Variants in MYCBP2 observed in about 807,000 individuals in gnomAD.
The protein encoded by MYCBP2 is E3 ubiquitin-protein ligase MYCBP2.
MYCBP2 carries 120 observed loss-of-function variants against 525.3 expected under a neutral mutation model. The observed-to-expected ratio is 0.23, with a 90% CI of 0.20 to 0.27. The LOEUF (loss-of-function observed/expected upper bound fraction) is 0.27. MYCBP2 is among the 10% of genes least tolerant of loss of function. MYCBP2 has a pLI of 1.00. For missense variants in MYCBP2, 4,149 were observed against 5,657.1 expected (o/e 0.73, Z 8.55); for synonymous variants, 1,894 against 1,955.8 (o/e 0.97, Z 0.83).
chr13:77,315,446 C>T (rs1041429311), intron 1 of MYCBP2, among the ~76,000 whole-genome samples: 2 of 152,092 alleles, frequency 1.3e-5, no homozygotes, highest in South Asian at 2.1e-4. Context: ...CAATACATTC[C>T]AAATATGATG....
chr13:77,311,819 T>C (rs1314575295), intron 1 of MYCBP2, among the ~76,000 whole-genome samples: 9 of 152,046 alleles, frequency 5.9e-5, no homozygotes. Context: ...TAGAATTTTG[T>C]AAGGTCAGAA....
chr13:77,153,957 TA>T (rs1359015675), intron 46 of MYCBP2, among the ~76,000 whole-genome samples: 2 of 152,134 alleles, frequency 1.3e-5, no homozygotes, highest in Admixed American at 1.3e-4. Context: ...ATTTTATAAG[TA>T]AAAAATTATA....
intron 80 of MYCBP2, among the ~76,000 whole-genome samples, chr13:77,055,000 A>C (rs1261960183): frequency 6.6e-6 from 1 of 152,218 alleles, no homozygotes; most frequent in South Asian, 2.1e-4. Flanking sequence ...AAATCTCAAA[A>C]ATTTTGGGGG....
chr13:77,071,867 G>A (rs74641692), intron 68 of MYCBP2, among the ~76,000 whole-genome samples: 5,055 of 152,152 alleles, frequency 0.033, 217 homozygotes, highest in East Asian at 0.17. Context: ...GAAATTATAC[G>A]AAGTATACAA....
rs536786187 is a variant in MYCBP2, at chr13:77,191,646, T to C, written c.4070+33A>G. On this transcript the variant is annotated intron_variant, in intron 28 of 82. Transcript: ENST00000544440. ...ACAATATTCCTCTAACAAAAATAAG[T>C]ATTGCTTAAGTAACACTTGGGCATT... is the stretch of plus-strand genomic sequence containing the variant. The C allele has an allele frequency of 2.3e-4, 369 of 1,601,198 alleles. 1 individual carries two copies. The highest frequency in any genetic ancestry group is 3.0e-4 in the Non-Finnish European group (352 of 1,173,672).
intron 44 of MYCBP2, among the ~76,000 whole-genome samples, chr13:77,160,160 G>A (rs1028022848): frequency 2.7e-5 from 4 of 150,184 alleles, no homozygotes; most frequent in African/African-American, 7.4e-5. Flanking sequence ...TCCGACTCCC[G>A]GGTTCAAGCG....
intron 5 of MYCBP2, among the ~76,000 whole-genome samples, chr13:77,270,881 T>C (rs2074783664): frequency 6.6e-6 from 1 of 152,158 alleles, no homozygotes; most frequent in African/African-American, 2.4e-5. Flanking sequence ...TATTTTATCT[T>C]CCATATTTCT....
intron 32 of MYCBP2, among the ~76,000 whole-genome samples, chr13:77,184,016 A>ATTTC (rs1372069711): frequency 6.6e-6 from 1 of 150,954 alleles, no homozygotes; most frequent in Non-Finnish European, 1.5e-5. Flanking sequence ...TATCTTTATT[A>ATTTC]TTTCCTTCCT....
intron 43 of MYCBP2, among the ~76,000 whole-genome samples, chr13:77,164,118 T>C (rs769124057): frequency 6.6e-6 from 1 of 152,220 alleles, no homozygotes; most frequent in Non-Finnish European, 1.5e-5. Flanking sequence ...GTTGTCTACT[T>C]GATATTTCCA....
At chr13:77,175,402 G>C (rs1428850303) in intron 36 of MYCBP2, among the ~76,000 whole-genome samples, 1 of 151,918 alleles carries the variant, frequency 6.6e-6, no homozygotes, top group African/African-American at 2.4e-5. Flanking sequence ...TAGGAAAAAA[G>C]CTGTCCAAAA....
At chr13:77,288,462 T>A in intron 2 of MYCBP2, 86 bp from the exon 3 acceptor site, 1 of 1,150,992 alleles carries the variant, frequency 8.7e-7, no homozygotes, top group Non-Finnish European at 1.2e-6. Context: ...TTAGACACAC[T>A]AACTGACTTG....
chr13:77,201,105 G>A (rs1336831613), intron 26 of MYCBP2, among the ~76,000 whole-genome samples: 14 of 152,246 alleles, frequency 9.2e-5, no homozygotes, highest in South Asian at 8.3e-4. Flanking sequence ...GGCACATTGG[G>A]TAAAGAGTCA....
chr13:77,228,660 G>A (rs932148366), intron 18 of MYCBP2, among the ~76,000 whole-genome samples: 1 of 151,232 alleles, frequency 6.6e-6, no homozygotes, highest in African/African-American at 2.4e-5. Flanking sequence ...TTAAGTATGA[G>A]CACATCTGTA....
intron 56 of MYCBP2, 78 bp downstream of exon 56, chr13:77,097,292 C>T: frequency 6.6e-7 from 1 of 1,516,374 alleles, no homozygotes; most frequent in East Asian, 2.3e-5. Context: ...TGACAAAATT[C>T]ATAGAACAGC....
intron 47 of MYCBP2, among the ~76,000 whole-genome samples, chr13:77,148,592 A>G (rs896536639): frequency 4.6e-5 from 7 of 151,926 alleles, no homozygotes; most frequent in Admixed American, 2.6e-4. Flanking sequence ...TCCTTGTTCC[A>G]CTGTTCTTTT....
chr13:77,142,958 T>A (rs889004717), intron 49 of MYCBP2, among the ~76,000 whole-genome samples: 12 of 152,122 alleles, frequency 7.9e-5, no homozygotes, highest in African/African-American at 2.9e-4. Context: ...AAGATACTCA[T>A]CCCAAACCAG....
At chr13:77,216,761 T>A (rs2064875971) in intron 21 of MYCBP2, among the ~76,000 whole-genome samples, 1 of 152,074 alleles carries the variant, frequency 6.6e-6, no homozygotes, top group Non-Finnish European at 1.5e-5. Flanking sequence ...TAAAGGAGAC[T>A]AAAGACACAC....
In MYCBP2 at chr13:77,093,352, A is replaced by AT. The variant is rs780767594; in HGVS notation, c.10200-21dup. ...TGATGCCTGCATTAAATCAAACCCA[A>AT]TAACTTAAAGCATGATGGCAATACA... On this transcript the variant is annotated intron_variant, in intron 58 of 82. Transcript: ENST00000544440. 6.6e-5 allele frequency: 106 copies of AT among 1,609,940 alleles called. No individual in the cohort carries two copies. The highest frequency in any genetic ancestry group is 9.0e-5 in the Non-Finnish European group (106 of 1,177,670).
intron 23 of MYCBP2, among the ~76,000 whole-genome samples, chr13:77,210,740 CT>C (rs2063901395): frequency 6.6e-6 from 1 of 152,022 alleles, no homozygotes; most frequent in Non-Finnish European, 1.5e-5. Flanking sequence ...AGAATGAATT[CT>C]ATACAATATA....
Sources: gnomAD v4.1 joint callset for allele counts (sites outside exome capture counted in the v4.1 genomes callset) on GRCh38, gnomAD v4.1.1 for gene constraint, MANE v1.5 for transcripts, NCBI Gene and HGNC (gene_info 2026-07-23, HGNC 2026-07-21) for gene names.